The following OTOF variants were observed in gnomAD, a reference collection of about 807,000 sequenced individuals.
OTOF encodes the protein fer-1-like family member 2.
Under a neutral mutation model 236.8 loss-of-function variants are expected in OTOF, and 218 were observed. The observed-to-expected ratio is 0.92, with a 90% CI of 0.82 to 1.03. OTOF has a LOEUF of 1.03. Ranked by LOEUF, OTOF falls within the 50% of genes least tolerant of loss-of-function variation. The pLI is 0.00. For synonymous variants in OTOF, 1,041 were observed against 1,072.5 expected (o/e 0.97, Z 0.57); for missense variants, 2,590 against 2,694.4 (o/e 0.96, Z 0.86).
chr2:26,538,054 C>A (rs191648297), intron 1 of OTOF, among the ~76,000 whole-genome samples: 2 of 152,216 alleles, frequency 1.3e-5, no homozygotes, highest in Non-Finnish European at 2.9e-5. Flanking sequence ...GTCAGAGTGG[C>A]CGTGGAAGCG....
At chr2:26,537,606 AGGCCAGTGCCTGGGATTTGG>A in intron 2 of OTOF, 90 bp downstream of exon 2, 1 of 809,668 alleles carries the variant, frequency 1.2e-6, no homozygotes, top group South Asian at 1.4e-5. Flanking sequence ...GGCTCAGAGC[AGGCCAGTGCCTGGGATTTGG>A]GGCCAGTGTG....
At position 26,470,797 on chromosome 2, in the gene OTOF, G is replaced by A. The variant is rs72853731; in HGVS notation, c.3895-76C>T. 3,785 of 1,571,822 alleles carry A rather than the reference G, an allele frequency of 2.4e-3. 28 individuals carry two copies. The African/African-American group carries it at 0.028, about 12-fold the overall frequency. ...AATCCCGAGAGCCTCCACCCATTCCGCCATCTGTCAGCAGGAAGCCTTGGG... is the reference window on the plus strand; with the variant it reads ...AATCCCGAGAGCCTCCACCCATTCCACCATCTGTCAGCAGGAAGCCTTGGG... On this transcript the variant is annotated intron_variant, in intron 31 of 46. Transcript: ENST00000272371. The surrounding 1 kb of genome is among the most constrained non-coding windows in gnomAD (Gnocchi z 4.3).
chr2:26,532,770 G>C (rs1413990665), intron 2 of OTOF, among the ~76,000 whole-genome samples: 1 of 152,160 alleles, frequency 6.6e-6, no homozygotes, highest in Non-Finnish European at 1.5e-5. Flanking sequence ...CCGGGGCACA[G>C]GGTTCTGCAT....
Position 26,489,715 on chromosome 2 carries a change from G to C in OTOF, c.923C>G (p.Ser308Cys), listed in dbSNP as rs1247547429. The C allele has an allele frequency of 1.9e-6, 3 of 1,613,048 alleles. No individual in the cohort carries two copies. The highest frequency in any genetic ancestry group is 2.5e-6 in the Non-Finnish European group (3 of 1,179,958). ...GATCTTGTCAAACATGACATCCGGAGAGACATGGAAGTCGAAGACGAAGTA... is the reference window on the plus strand; with the variant it reads ...GATCTTGTCAAACATGACATCCGGACAGACATGGAAGTCGAAGACGAAGTA... ...NEYFVFDFHV[S>C]PDVMFDKIIK... The change falls in exon 10 of 47, where the codon TCT (serine) becomes TGT (cysteine). Residue 308 changes from serine to cysteine, a missense_variant. Ser to Cys is a moderately radical substitution (Grantham distance 112, BLOSUM62 -1). This residue lies in a region of OTOF where 1,379 missense variants were observed against 1,341.6 expected (regional missense o/e 1.03). Coordinates refer to ENST00000272371, the MANE Select transcript of OTOF (RefSeq NM_194248.3).
Position 26,483,638 on chromosome 2 carries a change from G to A in OTOF, c.1216C>T (p.Leu406Phe). 1 of 1,612,216 alleles carries A rather than the reference G, an allele frequency of 6.2e-7. No individual in the cohort carries two copies. The highest frequency in any genetic ancestry group is 1.7e-5 in the Admixed American group (1 of 60,010). Residue 406 changes from leucine (L) to phenylalanine (F), a missense_variant, in exon 13 of 47, where the codon CTC (leucine) becomes TTC (phenylalanine). Physicochemically the swap from Leu to Phe is conservative, Grantham distance 22. This residue lies in a region of OTOF where 1,379 missense variants were observed against 1,341.6 expected (regional missense o/e 1.03). Coordinates refer to ENST00000272371, the MANE Select transcript of OTOF (RefSeq NM_194248.3). The part of the protein sequence containing the change: ...DEDDIEGNLL[L>F]PEGVPPERQW... ...CGTTCGGGGGGCACCCCCTCGGGGA[G>A]CAGCAAGTTCCTGCCAGCACATACA...
chr2:26,503,435 T>A (rs1183349457), intron 6 of OTOF, among the ~76,000 whole-genome samples: 1 of 152,250 alleles, frequency 6.6e-6, no homozygotes, highest in Non-Finnish European at 1.5e-5. Context: ...GGACAACGGT[T>A]TCCCCCCAGA....
intron 24 of OTOF, among the ~76,000 whole-genome samples, 197 bp from the exon 25 acceptor site, chr2:26,475,690 T>C (rs530244401): frequency 6.6e-6 from 1 of 152,284 alleles, no homozygotes; most frequent in South Asian, 2.1e-4. Context: ...CTCCTTGTCG[T>C]CCCTGTCTTG....
In OTOF at chr2:26,484,530, C is replaced by T. The variant is rs142219516; in HGVS notation, c.1149G>A (p.Gly383=). 6 of 1,614,010 alleles carry T rather than the reference C, an allele frequency of 3.7e-6. No individual in the cohort carries two copies. Among genetic ancestry groups the T allele is most frequent in the Non-Finnish European group, 5.1e-6 (6 of 1,180,020 alleles). Residue 383 remains glycine, a synonymous_variant, in exon 12 of 47, where the codon GGG becomes GGA. Coordinates refer to ENST00000272371, the MANE Select transcript of OTOF (RefSeq NM_194248.3). ...CCTTGTGGGGCGTCTTGATGTTGTC[C>T]CCTTTGCCCACCACGGCAACGTCAC... ...VKCDVAVVGK[G]DNIKTPHKAN...
Position 26,481,066 on chromosome 2 carries a change from A to G in OTOF, c.1580-57T>C. On this transcript the variant is annotated intron_variant, in intron 14 of 46. Coordinates refer to ENST00000272371, the MANE Select transcript of OTOF (RefSeq NM_194248.3). The stretch of plus-strand genomic sequence containing the variant: ...GCGTCACATCCAGTTTCCCTGGGGA[A>G]GAGGGGCCTCTTTTGGGGGTCCCTG... 4 of 1,349,982 alleles carry G rather than the reference A, an allele frequency of 3.0e-6. No individual in the cohort carries two copies. The South Asian group carries it at 4.8e-5, about 16-fold the overall frequency. 83.6% of individuals were successfully genotyped at this position (1,349,982 alleles called of 1,614,324 possible).
chr2:26,512,923 G>A (rs1387235841), intron 5 of OTOF, among the ~76,000 whole-genome samples: 1 of 152,190 alleles, frequency 6.6e-6, no homozygotes, highest in East Asian at 1.9e-4. Context: ...AAATGGGGAG[G>A]GGGGTTCCCA....
chr2:26,523,834 A>G (rs932551198), intron 3 of OTOF, among the ~76,000 whole-genome samples: 2 of 152,228 alleles, frequency 1.3e-5, no homozygotes, highest in African/African-American at 4.8e-5. Context: ...TGGGGTCTGA[A>G]CTGGGCCATG....
chr2:26,526,418 A>AAAGG (rs1286219986), intron 3 of OTOF, among the ~76,000 whole-genome samples: 1 of 152,094 alleles, frequency 6.6e-6, no homozygotes. Flanking sequence ...TGGATGAAAG[A>AAAGG]AAGGAAGGGT....
At position 26,479,453 on chromosome 2, in the gene OTOF, G is replaced by C; in HGVS notation, c.2093+20C>G. ...GAGGTGGGAGGGCCAGGCCACAGGAGGATGGGAGGCTGGGCCCACCTGTCG... is the reference window on the plus strand; with the variant it reads ...GAGGTGGGAGGGCCAGGCCACAGGACGATGGGAGGCTGGGCCCACCTGTCG... On this transcript the variant is annotated intron_variant, in intron 17 of 46. Transcript: ENST00000272371. The C allele has an allele frequency of 6.2e-7, 1 of 1,604,150 alleles. No individual in the cohort carries two copies. The highest frequency in any genetic ancestry group is 8.5e-7 in the Non-Finnish European group (1 of 1,176,194).
chr2:26,509,026 A>T (rs1308007133), intron 5 of OTOF, among the ~76,000 whole-genome samples: 2 of 152,202 alleles, frequency 1.3e-5, no homozygotes, highest in Non-Finnish European at 2.9e-5. Flanking sequence ...TGGTGGACCT[A>T]CTATGTGCTG....
At chr2:26,523,532 T>C (rs1217628521) in intron 3 of OTOF, among the ~76,000 whole-genome samples, 1 of 152,210 alleles carries the variant, frequency 6.6e-6, no homozygotes, top group Non-Finnish European at 1.5e-5. Flanking sequence ...TTTAGCTCAA[T>C]TTCCCCAAAT....
intron 2 of OTOF, 99 bp from the exon 3 acceptor site, chr2:26,528,019 G>GTGGC: frequency 1.2e-6 from 1 of 856,588 alleles, no homozygotes; most frequent in South Asian, 1.4e-5. Flanking sequence ...AACAGTCAGA[G>GTGGC]TGGCCCCTCA....
In OTOF at chr2:26,477,719, T is replaced by A. The variant is rs781354904; in HGVS notation, c.2245A>T (p.Ile749Phe). The A allele has an allele frequency of 4.3e-6, 7 of 1,612,692 alleles. No individual in the cohort carries two copies. The Admixed American group carries it at 1.2e-4, about 27-fold the overall frequency. The change falls in exon 19 of 47, where the codon ATC (isoleucine) becomes TTC (phenylalanine). Residue 749 changes from isoleucine (I) to phenylalanine (F), a missense_variant. By Grantham distance (21) the Ile-to-Phe change is conservative. Coordinates refer to ENST00000272371, the MANE Select transcript of OTOF (RefSeq NM_194248.3). The surrounding 1 kb of genome is among the most constrained non-coding windows in gnomAD (Gnocchi z 4.7). ...EEGLNDIQEMIKTEKSYPERR... is the reference protein window; with the variant it reads ...EEGLNDIQEMFKTEKSYPERR... ...TCAGGGTAGGACTTCTCCGTTTTGA[T>A]CATCTCCTGTATGTCGTTCAGGCCT... is the stretch of plus-strand genomic sequence containing the variant.
rs397515597 is a variant in OTOF, at chr2:26,475,926, ACT to A, written c.2977_2978del (p.Gln994ValfsTer7). 6 of 1,608,290 alleles carry A rather than the reference ACT, an allele frequency of 3.7e-6. No homozygotes were observed. Among genetic ancestry groups the A allele is most frequent in the African/African-American group, 2.7e-5 (2 of 74,678 alleles). On this transcript the variant is annotated frameshift_variant, in exon 24 of 47. Transcript: ENST00000272371. LOFTEE classifies it high-confidence loss of function. ...PFARVFFINQ[S>X]QCTEVLNETL... ...CCCAGGCCCTCACCTCTGTGCACTG[ACT>A]CTGATTGATGAAGAAGACGCGGGCA...
rs754009907 is a variant in OTOF at position 26,479,310 on chromosome 2, C to G, written c.2168G>C (p.Arg723Pro). 1 of 1,611,898 alleles carries G rather than the reference C, an allele frequency of 6.2e-7. No individual in the cohort carries two copies. Among genetic ancestry groups the G allele is most frequent in the African/African-American group, 1.3e-5 (1 of 74,934 alleles). Residue 723 changes from arginine (R) to proline (P), a missense_variant, in exon 18 of 47, where the codon CGC becomes CCC. Physicochemically the swap from Arg to Pro is moderately radical, Grantham distance 103 (BLOSUM62 -2). This residue lies in a region of OTOF where 1,379 missense variants were observed against 1,341.6 expected (regional missense o/e 1.03). Transcript: ENST00000272371. ...CATGATGTTGGCATTGTAGAGGCGG[C>G]GGCGCTGGTCCGGCCACCAGCTCTT... ...YIKSWWPDQR[R>P]RLYNANIMDH...
Sources: gnomAD v4.1 joint callset for allele counts (sites outside exome capture counted in the v4.1 genomes callset) on GRCh38, gnomAD v4.1.1 for gene constraint, gnomAD v4.1.1 regional missense constraint, Gnocchi (gnomAD v3.1) non-coding constraint, MANE v1.5 for transcripts, NCBI Gene and HGNC (gene_info 2026-07-23, HGNC 2026-07-21) for gene names.